Variants in GUCY1A2 observed in about 807,000 individuals in gnomAD.
GUCY1A2 encodes the protein guanylate cyclase 1 soluble subunit alpha 2.
A neutral mutation model predicts 63.5 loss-of-function variants in GUCY1A2; 27 were observed. The observed-to-expected ratio is 0.43, with a 90% CI of 0.31 to 0.59. GUCY1A2 has a LOEUF of 0.59. Among genes scored for constraint, GUCY1A2 ranks in the 20% least tolerant of loss-of-function variants. The pLI, the probability that GUCY1A2 is intolerant of heterozygous loss-of-function variation, is 0.11. For synonymous variants in GUCY1A2, 364 were observed against 343.5 expected (o/e 1.06, Z -0.66); for missense variants, 768 against 913.3 (o/e 0.84, Z 2.05).
intron 4 of GUCY1A2, among the ~76,000 whole-genome samples, chr11:106,813,576 T>A (rs1858792963): frequency 6.6e-6 from 1 of 152,124 alleles, no homozygotes; most frequent in South Asian, 2.1e-4. Context: ...CATGGCCTAA[T>A]CCATGCTCTC....
chr11:106,689,926 G>A (rs1335678700), intron 7 of GUCY1A2, among the ~76,000 whole-genome samples: 1 of 151,752 alleles, frequency 6.6e-6, no homozygotes, highest in Non-Finnish European at 1.5e-5. Flanking sequence ...ACCGGGAGGT[G>A]GAGGTTGCAG....
chr11:106,842,047 G>A (rs888453454), intron 4 of GUCY1A2, among the ~76,000 whole-genome samples: 1 of 151,804 alleles, frequency 6.6e-6, no homozygotes, highest in African/African-American at 2.4e-5. Context: ...AATGGTAAAC[G>A]ATGGCAGGTG....
intron 6 of GUCY1A2, among the ~76,000 whole-genome samples, chr11:106,751,607 A>C (rs1863883054): frequency 6.6e-6 from 1 of 152,184 alleles, no homozygotes; most frequent in Non-Finnish European, 1.5e-5. Flanking sequence ...AACATTTGCC[A>C]GTATTTTCTA....
At chr11:106,877,623 A>C (rs1859767781) in intron 4 of GUCY1A2, among the ~76,000 whole-genome samples, 1 of 152,112 alleles carries the variant, frequency 6.6e-6, no homozygotes, top group Non-Finnish European at 1.5e-5. Flanking sequence ...ACAAAAATTA[A>C]CTCAAGATAG....
intron 4 of GUCY1A2, among the ~76,000 whole-genome samples, chr11:106,927,984 TA>T (rs2119932410): frequency 6.6e-6 from 1 of 152,192 alleles, no homozygotes; most frequent in South Asian, 2.1e-4. Context: ...ATAACCTACC[TA>T]AAAAATGTAT....
At chr11:106,804,908 T>C (rs1443256972) in intron 5 of GUCY1A2, among the ~76,000 whole-genome samples, 1 of 152,176 alleles carries the variant, frequency 6.6e-6, no homozygotes, top group Non-Finnish European at 1.5e-5. Context: ...TCTAGTCCCC[T>C]TGGGCCCACT....
intron 1 of GUCY1A2, among the ~76,000 whole-genome samples, chr11:107,003,293 GAA>G (rs1861632701): frequency 6.6e-6 from 1 of 152,082 alleles, no homozygotes; most frequent in African/African-American, 2.4e-5. Context: ...TACTGGATTT[GAA>G]AAGACCATCC....
At chr11:106,881,750 T>C (rs1859826913) in intron 4 of GUCY1A2, among the ~76,000 whole-genome samples, 1 of 151,952 alleles carries the variant, frequency 6.6e-6, no homozygotes, top group African/African-American at 2.4e-5. Context: ...TTGCAACCAA[T>C]TAGAAAGACT....
intron 4 of GUCY1A2, among the ~76,000 whole-genome samples, chr11:106,910,298 G>A (rs1292008687): frequency 6.6e-6 from 1 of 151,894 alleles, no homozygotes; most frequent in Non-Finnish European, 1.5e-5. Context: ...CAAAATGCAT[G>A]TAAAGGGCCA....
intron 4 of GUCY1A2, among the ~76,000 whole-genome samples, chr11:106,891,535 T>C (rs1172273912): frequency 6.6e-6 from 1 of 152,128 alleles, no homozygotes; most frequent in Non-Finnish European, 1.5e-5. Flanking sequence ...CTGAAGATAT[T>C]TTGTGATTTG....
In GUCY1A2 at chr11:106,795,558, C is replaced by T. The variant is rs554781221; in HGVS notation, c.1692+14435G>A. Among the ~76,000 whole-genome samples the T allele has an allele frequency of 3.3e-5, 5 of 152,288 alleles. No individual in the cohort carries two copies. The East Asian group carries it at 5.8e-4, about 18-fold the overall frequency. ...TGCACCTATGCATGTGCATGCCCTC[C>T]ATCCCAACACATACTCACAGCTAAA... is the stretch of plus-strand genomic sequence containing the variant. On this transcript the variant is annotated intron_variant, in intron 5 of 7. Coordinates refer to ENST00000526355, the MANE Select transcript of GUCY1A2 (RefSeq NM_000855.3).
Position 106,810,424 on chromosome 11 carries a change from A to G in GUCY1A2, c.1261T>C (p.Phe421Leu). 1.2e-6 allele frequency: 2 copies of G among 1,611,370 alleles called. No individual in the cohort carries two copies. The highest frequency in any genetic ancestry group is 1.1e-5 in the South Asian group (1 of 90,828). Residue 421 changes from phenylalanine (F) to leucine (L), a missense_variant, in exon 5 of 8, where the codon TTT becomes CTT. By Grantham distance (22) the Phe-to-Leu change is conservative (BLOSUM62 0). Around this residue, in one of 3 missense-constraint regions of GUCY1A2, gnomAD observed 122 missense variants for 238.1 expected, o/e 0.51. Transcript: ENST00000526355. ...TTGTCCACACATGGAGAGCCCAAAA[A>G]TAAAATGGAATTTGATTCTGGAACA... ...IHVPESNSIL[F>L]LGSPCVDKLD...
chr11:106,787,595 A>AAGGGGAGGGTGAGGGAGGGGGG (rs1565289908), intron 5 of GUCY1A2, among the ~76,000 whole-genome samples: 3 of 87,806 alleles, frequency 3.4e-5, no homozygotes, highest in East Asian at 3.9e-4. Context: ...AAAGGAAGGG[A>AAGGGGAGGGTGAGGGAGGGGGG]AGGGAAAAAG....
intron 3 of GUCY1A2, among the ~76,000 whole-genome samples, chr11:106,948,217 T>G (rs188889005): frequency 1.0e-3 from 156 of 152,314 alleles, no homozygotes; most frequent in Admixed American, 1.8e-3. Context: ...CAATTCTTTT[T>G]ATTAATCCCA....
chr11:106,750,281 C>T (rs1482347082), intron 6 of GUCY1A2, among the ~76,000 whole-genome samples: 2 of 152,078 alleles, frequency 1.3e-5, no homozygotes, highest in African/African-American at 4.8e-5. Context: ...CTTCTTCCCC[C>T]TGCTTTATTC....
chr11:106,848,733 G>C (rs573446014), intron 4 of GUCY1A2, among the ~76,000 whole-genome samples: 1 of 151,732 alleles, frequency 6.6e-6, no homozygotes, highest in South Asian at 2.1e-4. Flanking sequence ...TTTTATAACA[G>C]CAGCCTTAGT....
In GUCY1A2 at chr11:106,682,044, G is replaced by T. The variant is rs2135327981; in HGVS notation, c.*5505C>A. On this transcript the variant is annotated 3_prime_UTR_variant, in exon 8 of 8. Coordinates refer to ENST00000526355, the MANE Select transcript of GUCY1A2 (RefSeq NM_000855.3). ...TGTTGTAATATACTGCACAGCTCTG[G>T]CAGTAACTAAGAAAATGGTACTGTA... is the stretch of plus-strand genomic sequence containing the variant. 1 of 209,450 alleles carries T rather than the reference G, an allele frequency of 4.8e-6. No individual in the cohort carries two copies. The highest frequency in any genetic ancestry group is 2.0e-4 in the South Asian group (1 of 4,900). The allele number at this position is 209,450 out of a possible 1,614,324, so 13.0% of individuals were successfully genotyped here.
At chr11:106,781,990 C>A (rs1864473304) in intron 5 of GUCY1A2, among the ~76,000 whole-genome samples, 1 of 152,180 alleles carries the variant, frequency 6.6e-6, no homozygotes, top group Admixed American at 6.5e-5. Context: ...TAAGAAATAT[C>A]TGGGAACTTC....
intron 4 of GUCY1A2, among the ~76,000 whole-genome samples, chr11:106,854,400 C>T (rs926906008): frequency 1.3e-5 from 2 of 152,094 alleles, no homozygotes; most frequent in Non-Finnish European, 2.9e-5. Context: ...TGGTAGTGAC[C>T]ATGACAGCAG....
Sources: gnomAD v4.1 joint callset for allele counts (sites outside exome capture counted in the v4.1 genomes callset) on GRCh38, gnomAD v4.1.1 for gene constraint, gnomAD v4.1.1 regional missense constraint, MANE v1.5 for transcripts, NCBI Gene and HGNC (gene_info 2026-07-23, HGNC 2026-07-21) for gene names.